Variants in MSRA observed in about 807,000 individuals in gnomAD.
MSRA encodes the protein methionine sulfoxide reductase A.
Under a neutral mutation model 31.3 loss-of-function variants are expected in MSRA, and 54 were observed. That is an observed-to-expected ratio of 1.73 (90% confidence interval 1.39 to 2.17). MSRA has a LOEUF of 2.17. Among genes scored for constraint, MSRA ranks in the 30% most tolerant of loss-of-function variants. The pLI is 0.00. For missense variants in MSRA, 507 were observed against 300.9 expected, an observed-to-expected ratio of 1.69 and a Z score of -5.07; for synonymous variants, 169 against 116.5, an observed-to-expected ratio of 1.45 and a Z score of -2.90.
At chr8:10,153,365 A>T (rs962793680) in intron 1 of MSRA, among the ~76,000 whole-genome samples, 1 of 151,932 alleles carries the variant, frequency 6.6e-6, no homozygotes, top group Non-Finnish European at 1.5e-5. Context: ...CTGATGGCTC[A>T]TCCTGTCTCC....
At chr8:10,382,763 C>A (rs949467288) in intron 5 of MSRA, among the ~76,000 whole-genome samples, 1 of 152,216 alleles carries the variant, frequency 6.6e-6, no homozygotes, top group Admixed American at 6.5e-5. Flanking sequence ...TCTCCTTAGT[C>A]ATGGAAGGAC....
In MSRA at chr8:10,089,089, A is replaced by G. The variant is rs780211427; in HGVS notation, c.142+34431A>G. On this transcript the variant is annotated intron_variant, in intron 1 of 5. Transcript: ENST00000317173. ...GTACATCATGACTAAAGTTAATAAA[A>G]TTGTATTAGGGATTTTTGTTAAATA... 3.3e-5 allele frequency among the ~76,000 whole-genome samples: 5 copies of G among 152,088 alleles called. No individual in the cohort carries two copies. The East Asian group carries it at 7.7e-4, about 23-fold the overall frequency.
intron 1 of MSRA, among the ~76,000 whole-genome samples, chr8:10,055,275 G>C (rs1802284958): frequency 6.6e-6 from 1 of 152,222 alleles, no homozygotes; most frequent in South Asian, 2.1e-4. Flanking sequence ...CACAAACTTG[G>C]ACAACTTTCT....
chr8:10,067,842 C>G (rs1360922855), intron 1 of MSRA, among the ~76,000 whole-genome samples: 1 of 144,050 alleles, frequency 6.9e-6, no homozygotes, highest in Non-Finnish European at 1.5e-5. Context: ...AAATCTTTTG[C>G]CCATATTTCA....
At chr8:10,403,136 G>T (rs959705700) in intron 5 of MSRA, among the ~76,000 whole-genome samples, 1 of 152,206 alleles carries the variant, frequency 6.6e-6, no homozygotes, top group Admixed American at 6.5e-5. Context: ...ATAAGCCACA[G>T]ATTAAAATGT....
chr8:10,230,283 C>T (rs943646293), intron 2 of MSRA, among the ~76,000 whole-genome samples: 1 of 152,134 alleles, frequency 6.6e-6, no homozygotes, highest in Admixed American at 6.6e-5. Context: ...AGCTTTGTAT[C>T]TGATTGACAT....
At chr8:10,140,301 G>C (rs772266239) in intron 1 of MSRA, among the ~76,000 whole-genome samples, 8 of 152,174 alleles carry the variant, frequency 5.3e-5, no homozygotes, top group Non-Finnish European at 8.8e-5. Flanking sequence ...CTGCCATAGG[G>C]GAGAAGGGCA....
At chr8:10,106,030 T>C (rs541727095) in intron 1 of MSRA, among the ~76,000 whole-genome samples, 1 of 152,374 alleles carries the variant, frequency 6.6e-6, no homozygotes, top group East Asian at 1.9e-4. Context: ...GAAAGGATAC[T>C]CTTTCCACAA....
chr8:10,070,735 C>T (rs1156995217), intron 1 of MSRA, among the ~76,000 whole-genome samples: 1 of 152,214 alleles, frequency 6.6e-6, no homozygotes, highest in Non-Finnish European at 1.5e-5. Flanking sequence ...AAGGATTTTA[C>T]ATAAACGATG....
At chr8:10,084,666 A>G (rs1015817443) in intron 1 of MSRA, among the ~76,000 whole-genome samples, 4 of 152,196 alleles carry the variant, frequency 2.6e-5, no homozygotes, top group Non-Finnish European at 5.9e-5. Flanking sequence ...TGATACCCTG[A>G]TGAGAGGTAG....
At chr8:10,424,817 G>A (rs1243646688) in intron 5 of MSRA, among the ~76,000 whole-genome samples, 2 of 152,208 alleles carry the variant, frequency 1.3e-5, no homozygotes, top group African/African-American at 4.8e-5. Context: ...TGCACTCTTT[G>A]AAGATCGCCA....
chr8:10,227,302 T>C (rs1313480800), intron 2 of MSRA, among the ~76,000 whole-genome samples: 4 of 151,922 alleles, frequency 2.6e-5, no homozygotes, highest in Non-Finnish European at 2.9e-5. Flanking sequence ...AGGGAGAGAA[T>C]TAGAGTGAAG....
chr8:10,393,061 CA>C (rs768294679), intron 5 of MSRA, among the ~76,000 whole-genome samples: 338 of 77,694 alleles, frequency 4.4e-3, no homozygotes, highest in African/African-American at 0.011. Flanking sequence ...GACTCCGTCT[CA>C]AAAAAAAAAA....
intron 1 of MSRA, among the ~76,000 whole-genome samples, chr8:10,197,041 A>G (rs1425996128): frequency 1.3e-5 from 2 of 152,162 alleles, no homozygotes; most frequent in African/African-American, 2.4e-5. Context: ...GTTTCAGTAC[A>G]CCTACTTTCA....
At chr8:10,298,121 G>T (rs1484524679) in intron 3 of MSRA, among the ~76,000 whole-genome samples, 3 of 152,204 alleles carry the variant, frequency 2.0e-5, no homozygotes, top group African/African-American at 7.2e-5. Context: ...TTCCTCATCT[G>T]TTTAATGGGG....
chr8:10,187,749 A>G (rs1201461320), intron 1 of MSRA, among the ~76,000 whole-genome samples: 8 of 152,220 alleles, frequency 5.3e-5, no homozygotes, highest in African/African-American at 1.7e-4. Context: ...AGTGTATTTG[A>G]TAAACATCAT....
intron 1 of MSRA, among the ~76,000 whole-genome samples, chr8:10,092,114 CTG>C (rs1368434383): frequency 6.6e-6 from 1 of 152,042 alleles, no homozygotes; most frequent in Non-Finnish European, 1.5e-5. Context: ...TGCTGATATT[CTG>C]TGTTTGTTTT....
chr8:10,273,463 A>G (rs185845220), intron 3 of MSRA, among the ~76,000 whole-genome samples: 188 of 152,320 alleles, frequency 1.2e-3, no homozygotes, highest in African/African-American at 4.1e-3. Flanking sequence ...TGGGGAAAAT[A>G]GTTTTCTATC....
At chr8:10,403,207 A>T (rs910242558) in intron 5 of MSRA, among the ~76,000 whole-genome samples, 1 of 152,184 alleles carries the variant, frequency 6.6e-6, no homozygotes, top group Non-Finnish European at 1.5e-5. Context: ...GAAACTTGGC[A>T]CCTGAGACTA....
Sources: allele counts gnomAD v4.1 joint callset (sites outside exome capture counted in the v4.1 genomes callset), GRCh38; gene constraint gnomAD v4.1.1; transcripts MANE v1.5; gene names NCBI Gene and HGNC (gene_info 2026-07-23, HGNC 2026-07-21).